Variants in PLS1 observed in about 807,000 individuals in gnomAD.
PLS1 encodes the protein plastin-1.
PLS1 carries 32 observed loss-of-function variants against 73.7 expected under a neutral mutation model. The ratio of observed to expected loss-of-function variants is 0.43; its 90% CI spans 0.33 to 0.58. The LOEUF (loss-of-function observed/expected upper bound fraction) is 0.58. Ranked by LOEUF, PLS1 falls within the 20% of genes least tolerant of loss-of-function variation. The pLI is 0.04. For missense variants in PLS1, 633 were observed against 740.5 expected, an observed-to-expected ratio of 0.85 and a Z score of 1.68; for synonymous variants, 217 against 261.3, an observed-to-expected ratio of 0.83 and a Z score of 1.63.
intron 1 of PLS1, among the ~76,000 whole-genome samples, chr3:142,652,320 A>G (rs2037114595): frequency 1.3e-5 from 2 of 152,298 alleles, no homozygotes; most frequent in African/African-American, 2.4e-5. Context: ...CACCCCTACA[A>G]ATAGTTCCAG....
intron 1 of PLS1, among the ~76,000 whole-genome samples, chr3:142,606,852 A>G (rs540187847): frequency 2.0e-5 from 3 of 152,148 alleles, no homozygotes; most frequent in Non-Finnish European, 2.9e-5. Flanking sequence ...CAGTTCATAG[A>G]CATTGGGGTT....
At chr3:142,681,630 C>T (rs1442497500) in intron 6 of PLS1, among the ~76,000 whole-genome samples, 1 of 152,174 alleles carries the variant, frequency 6.6e-6, no homozygotes, top group Admixed American at 6.5e-5. Flanking sequence ...TTTGTGGTTC[C>T]CTACTCTCCC....
chr3:142,682,680 G>A (rs982771014), intron 6 of PLS1, among the ~76,000 whole-genome samples: 2 of 152,122 alleles, frequency 1.3e-5, no homozygotes, highest in African/African-American at 2.4e-5. Context: ...TATGCTCTTG[G>A]AAGCAAAGAG....
chr3:142,652,386 C>T (rs2037116490), intron 1 of PLS1, among the ~76,000 whole-genome samples: 1 of 152,140 alleles, frequency 6.6e-6, no homozygotes, highest in Non-Finnish European at 1.5e-5. Flanking sequence ...CTACTTTGCA[C>T]CTTTTATATA....
intron 1 of PLS1, among the ~76,000 whole-genome samples, chr3:142,600,887 TATATATATATATATATATATATATATATA>T (rs2035901649): frequency 5.1e-5 from 1 of 19,614 alleles, no homozygotes; most frequent in Non-Finnish European, 8.7e-5. Flanking sequence ...CATATATATA[TATATATATATATATATATATATATATATA>T]TTTTTTTTTT....
chr3:142,686,135 A>G, intron 8 of PLS1, 149 bp from the exon 9 acceptor site: 1 of 605,624 alleles, frequency 1.7e-6, no homozygotes, highest in South Asian at 2.0e-5. Context: ...AGCATGGTAC[A>G]TTCAGGAACC....
intron 6 of PLS1, among the ~76,000 whole-genome samples, chr3:142,679,466 G>T (rs1359176113): frequency 2.6e-5 from 4 of 151,876 alleles, no homozygotes; most frequent in Admixed American, 2.6e-4. Flanking sequence ...TGTAAGGAAG[G>T]GATCCAGTTT....
intron 9 of PLS1, among the ~76,000 whole-genome samples, chr3:142,687,947 G>GTTTGTTTTTTTTTTTTTTTTTT (rs2038006526): frequency 7.2e-6 from 1 of 138,130 alleles, no homozygotes. Flanking sequence ...GTCTTTATTT[G>GTTTGTTTTTTTTTTTTTTTTTT]TTTGTTTTTT....
In PLS1 at chr3:142,604,422, T is replaced by C. The variant is rs1039726241; in HGVS notation, c.-37+7913T>C. On this transcript the variant is annotated intron_variant, in intron 1 of 15. Transcript: ENST00000457734. ...TCCCCTCTCCCCAGGTTTAAGATCA[T>C]TGGGACATCCTTTTGGTCAAGGAAA... Among the ~76,000 whole-genome samples the C allele has an allele frequency of 2.0e-5, 3 of 152,206 alleles. No homozygotes were observed. In the South Asian group the frequency reaches 6.2e-4, roughly 32 times the overall value.
At chr3:142,647,907 A>T (rs968670515) in intron 1 of PLS1, among the ~76,000 whole-genome samples, 1 of 152,036 alleles carries the variant, frequency 6.6e-6, no homozygotes, top group South Asian at 2.1e-4. Flanking sequence ...GGCTGTGTGG[A>T]GGACTGTGTT....
intron 8 of PLS1, among the ~76,000 whole-genome samples, chr3:142,684,828 AG>A (rs1416736676): frequency 5.9e-5 from 9 of 152,224 alleles, no homozygotes; most frequent in Non-Finnish European, 1.3e-4. Flanking sequence ...CAGTAAATAA[AG>A]GGGATCTTAA....
intron 1 of PLS1, among the ~76,000 whole-genome samples, chr3:142,624,577 TAA>T (rs1231999009): frequency 1.3e-5 from 2 of 152,190 alleles, no homozygotes; most frequent in African/African-American, 4.8e-5. Context: ...GCCAAAGAAT[TAA>T]AGAGTCTTGA....
At chr3:142,672,074 AATT>A (rs908268412) in intron 4 of PLS1, among the ~76,000 whole-genome samples, 10 of 152,162 alleles carry the variant, frequency 6.6e-5, no homozygotes, top group African/African-American at 1.2e-4. Flanking sequence ...GACAAAAAAA[AATT>A]ATTAAGGTAT....
chr3:142,666,660 A>C (rs1353963339), intron 2 of PLS1, among the ~76,000 whole-genome samples: 7 of 152,142 alleles, frequency 4.6e-5, no homozygotes, highest in African/African-American at 1.7e-4. Context: ...GAGTGTAAAC[A>C]TAGTAGCGGA....
At chr3:142,656,936 A>C (rs1289843206) in intron 1 of PLS1, 1 of 152,214 alleles carries the variant, frequency 6.6e-6, no homozygotes, top group Non-Finnish European at 1.5e-5. Context: ...TTTCCATAAA[A>C]GTCAGATAAA....
At chr3:142,653,253 G>A (rs1417135215) in intron 1 of PLS1, among the ~76,000 whole-genome samples, 2 of 151,888 alleles carry the variant, frequency 1.3e-5, no homozygotes, top group Non-Finnish European at 2.9e-5. Context: ...TCTTTTAAAC[G>A]CATGCACGTG....
intron 1 of PLS1, among the ~76,000 whole-genome samples, chr3:142,596,849 G>A (rs1011688093): frequency 2.6e-5 from 4 of 152,316 alleles, no homozygotes; most frequent in African/African-American, 9.6e-5. Context: ...TTCTGAACCA[G>A]CCTGTTTTGT....
At chr3:142,625,652 G>A (rs1028220276) in intron 1 of PLS1, among the ~76,000 whole-genome samples, 1 of 152,072 alleles carries the variant, frequency 6.6e-6, no homozygotes, top group Non-Finnish European at 1.5e-5. Context: ...TCTACTTAAT[G>A]TGTAGGTTAT....
chr3:142,633,143 C>T (rs1316447077), intron 1 of PLS1, among the ~76,000 whole-genome samples: 1 of 152,218 alleles, frequency 6.6e-6, no homozygotes, highest in Non-Finnish European at 1.5e-5. Context: ...AGTACAAAGA[C>T]TGTATGATTC....
Sources: allele counts gnomAD v4.1 joint callset (sites outside exome capture counted in the v4.1 genomes callset), GRCh38; gene constraint gnomAD v4.1.1; transcripts MANE v1.5; gene names NCBI Gene and HGNC (gene_info 2026-07-23, HGNC 2026-07-21).